Variants in SP100 observed in about 807,000 individuals in gnomAD.
SP100 encodes the protein SP100 nuclear body protein.
Under a neutral mutation model 130.0 loss-of-function variants are expected in SP100, and 84 were observed. The observed-to-expected ratio is 0.65, with a 90% CI of 0.54 to 0.77. The LOEUF (loss-of-function observed/expected upper bound fraction) is 0.77. Among genes scored for constraint, SP100 ranks in the 30% least tolerant of loss-of-function variants. The pLI, the probability that SP100 is intolerant of heterozygous loss-of-function variation, is 0.00. For synonymous variants in SP100, 331 were observed against 351.7 expected (o/e 0.94, Z 0.66); for missense variants, 978 against 1,052.2 (o/e 0.93, Z 0.97).
At chr2:230,525,268 T>C (rs1054565192) in intron 24 of SP100, among the ~76,000 whole-genome samples, 1 of 152,222 alleles carries the variant, frequency 6.6e-6, no homozygotes, top group Non-Finnish European at 1.5e-5. Context: ...CCTGTGTGTC[T>C]ATCTTCATGA....
rs34684038 is a variant in SP100 at position 230,535,906 on chromosome 2, C to CAAA, written c.2095-3334_2095-3332dup. 5.7e-4 allele frequency among the ~76,000 whole-genome samples: 27 copies of CAAA among 47,598 alleles called. 1 individual carries two copies. The highest frequency in any genetic ancestry group is 1.8e-3 in the African/African-American group (16 of 8,972). 31.2% of individuals were successfully genotyped at this position (47,598 alleles called of 152,430 possible). A position where few individuals can be genotyped will look rare whatever the true frequency, so the allele number is the denominator to read the frequency against. ...TGGGTGACAGAGCAAGACTCCATCT[C>CAAA]AAAAAAAAAAAAAAAAAAAAAAAAA... On this transcript the variant is annotated intron_variant, in intron 24 of 28. Transcript: ENST00000340126.
chr2:230,515,305 CCCAAGAGG>C, intron 24 of SP100: 1 of 1,613,128 alleles, frequency 6.2e-7, no homozygotes, highest in East Asian at 2.2e-5. Context: ...TCCCAATGCA[CCCAAGAGG>C]CCTCCTTTGG....
chr2:230,540,788 C>T (rs1692143305), intron 25 of SP100, 88 bp from the exon 26 acceptor site: 2 of 1,490,720 alleles, frequency 1.3e-6, no homozygotes, highest in East Asian at 2.3e-5. Flanking sequence ...AACCACTAGG[C>T]ATTCTTGAGC....
chr2:230,436,402 G>A (rs558618704), intron 2 of SP100, among the ~76,000 whole-genome samples: 1 of 152,142 alleles, frequency 6.6e-6, no homozygotes, highest in East Asian at 1.9e-4. Context: ...GAGACCAGAT[G>A]GAGGTAATTG....
intron 24 of SP100, chr2:230,538,205 A>G (rs1678175): frequency 0.16 from 24,778 of 152,156 alleles, 2,418 homozygotes; most frequent in Non-Finnish European, 0.22. Flanking sequence ...TGTAAGCAAA[A>G]GAAAAAAATT....
chr2:230,418,069 C>T (rs1366978809), intron 2 of SP100, among the ~76,000 whole-genome samples: 7 of 152,108 alleles, frequency 4.6e-5, no homozygotes, highest in Non-Finnish European at 8.8e-5. Flanking sequence ...TCGCTGCTAC[C>T]GCTATTCCAG....
intron 2 of SP100, among the ~76,000 whole-genome samples, chr2:230,433,378 C>G (rs916355162): frequency 1.3e-5 from 2 of 152,164 alleles, no homozygotes; most frequent in African/African-American, 2.4e-5. Context: ...TATGCCAGTA[C>G]TGTCTTGATT....
At position 230,526,296 on chromosome 2, in the gene SP100, C is replaced by T. The variant is rs187062805; in HGVS notation, c.2095-12971C>T. Among the ~76,000 whole-genome samples, 425 of 152,274 alleles carry T rather than the reference C, an allele frequency of 2.8e-3. 2 individuals carry two copies. The highest frequency in any genetic ancestry group is 4.6e-3 in the Non-Finnish European group (315 of 68,008). On this transcript the variant is annotated intron_variant, in intron 24 of 28. Transcript: ENST00000340126. ...GGGTCTGGAGTGGACCTCCAGCAAA[C>T]TCCAACAGACCTGCAGCTGAGGGGT... is the stretch of plus-strand genomic sequence containing the variant.
At chr2:230,452,556 T>G (rs2064047220) in intron 8 of SP100, among the ~76,000 whole-genome samples, 1 of 152,214 alleles carries the variant, frequency 6.6e-6, no homozygotes, top group Admixed American at 6.5e-5. Flanking sequence ...TATTAATTCC[T>G]CCAATCCATG....
intron 2 of SP100, among the ~76,000 whole-genome samples, chr2:230,421,657 A>G (rs1462972374): frequency 1.3e-5 from 2 of 152,096 alleles, no homozygotes; most frequent in African/African-American, 4.8e-5. Context: ...GAGTTTGGAA[A>G]TTAATTTAGT....
rs147872235 is a variant in SP100, at chr2:230,532,289, T to C, written c.2095-6978T>C. On this transcript the variant is annotated intron_variant, in intron 24 of 28. Coordinates refer to ENST00000340126, the MANE Select transcript of SP100 (RefSeq NM_001080391.2). Reference sequence around the variant, plus strand: ...CTTTTTTATTTTGTTATTTGAAAAGTAGGTGAGAATAGAAATGTTTAAATG... The same window carrying C: ...CTTTTTTATTTTGTTATTTGAAAAGCAGGTGAGAATAGAAATGTTTAAATG... Among the ~76,000 whole-genome samples the C allele has an allele frequency of 3.3e-3, 495 of 152,024 alleles. 2 individuals are homozygous for C. Among genetic ancestry groups the C allele is most frequent in the African/African-American group, 0.011 (467 of 41,472 alleles).
chr2:230,502,864 T>C (rs926927665), intron 19 of SP100, among the ~76,000 whole-genome samples: 2 of 152,108 alleles, frequency 1.3e-5, no homozygotes, highest in Non-Finnish European at 2.9e-5. Context: ...AACTACAGAG[T>C]TGAGTAGTCA....
intron 24 of SP100, among the ~76,000 whole-genome samples, chr2:230,529,532 CCT>C (rs1691598537): frequency 6.6e-6 from 1 of 152,140 alleles, no homozygotes; most frequent in Non-Finnish European, 1.5e-5. Context: ...ACAAGGATGC[CCT>C]CTCTCACGAC....
chr2:230,447,695 G>A (rs1313706431), intron 5 of SP100, among the ~76,000 whole-genome samples: 1 of 152,200 alleles, frequency 6.6e-6, no homozygotes, highest in African/African-American at 2.4e-5. Flanking sequence ...TGCCCTCTCT[G>A]GGACACGACT....
At chr2:230,445,267 C>T (rs1021582827) in intron 4 of SP100, among the ~76,000 whole-genome samples, 4 of 152,172 alleles carry the variant, frequency 2.6e-5, no homozygotes, top group East Asian at 1.9e-4. Context: ...TTAATCTCAA[C>T]CCAGTTCTCC....
Position 230,462,415 on chromosome 2 carries a change from GT to G in SP100, c.974-15del. The G allele has an allele frequency of 6.2e-7, 1 of 1,604,456 alleles. No individual in the cohort carries two copies. The highest frequency in any genetic ancestry group is 8.5e-7 in the Non-Finnish European group (1 of 1,171,356). ...TGGTCACACCCTGAGACTCTTAATG[GT>G]TTTTGCTCCTTTGTGCAGTCATCAG... On this transcript the variant is annotated intron_variant, in intron 9 of 28. Transcript: ENST00000340126.
In SP100 at chr2:230,504,224, C is replaced by G. The variant is rs749104371; in HGVS notation, c.1804C>G (p.Gln602Glu). The G allele has an allele frequency of 5.0e-6, 8 of 1,612,368 alleles. No homozygotes were observed. The highest frequency in any genetic ancestry group is 6.8e-6 in the Non-Finnish European group (8 of 1,178,792). ...CAAAGATGAAAATATTAATTTTAAACAATCTGAACTTCCTGTGACCTGTGG... is the reference window on the plus strand; with the variant it reads ...CAAAGATGAAAATATTAATTTTAAAGAATCTGAACTTCCTGTGACCTGTGG... ...IPKDENINFK[Q>E]SELPVTCGEV... The change falls in exon 21 of 29, where the codon CAA becomes GAA. Residue 602 changes from glutamine to glutamate, a missense_variant. Gln to Glu is a conservative substitution (Grantham distance 29). Transcript: ENST00000340126.
chr2:230,490,690 C>A (rs1446138736), intron 17 of SP100, among the ~76,000 whole-genome samples: 3 of 152,142 alleles, frequency 2.0e-5, no homozygotes, highest in Admixed American at 6.6e-5. Context: ...CTAGTAGTAA[C>A]AAAATCCCTC....
intron 24 of SP100, chr2:230,516,168 C>A: frequency 1.6e-6 from 1 of 616,560 alleles, no homozygotes; most frequent in Non-Finnish European, 2.0e-6. Context: ...AAGCCAATCT[C>A]AATCCCTCAA....
Sources: gnomAD v4.1 joint callset for allele counts (sites outside exome capture counted in the v4.1 genomes callset) on GRCh38, gnomAD v4.1.1 for gene constraint, MANE v1.5 for transcripts, NCBI Gene and HGNC (gene_info 2026-07-23, HGNC 2026-07-21) for gene names.